Variants in CTNNA3 observed in about 807,000 individuals in gnomAD.
The protein encoded by CTNNA3 is catenin alpha 3.
A neutral mutation model predicts 95.7 loss-of-function variants in CTNNA3; 76 were observed. The ratio of observed to expected loss-of-function variants is 0.79; its 90% CI spans 0.66 to 0.96. The LOEUF (loss-of-function observed/expected upper bound fraction) is 0.96. Among genes scored for constraint, CTNNA3 ranks in the 40% least tolerant of loss-of-function variants. CTNNA3 has a pLI of 0.00. For missense variants in CTNNA3, 1,191 were observed against 1,089.8 expected, an observed-to-expected ratio of 1.09 and a Z score of -1.31; for synonymous variants, 431 against 374.4, an observed-to-expected ratio of 1.15 and a Z score of -1.74.
At chr10:66,022,033 A>G (rs2079229799) in intron 15 of CTNNA3, among the ~76,000 whole-genome samples, 1 of 151,188 alleles carries the variant, frequency 6.6e-6, no homozygotes, top group Non-Finnish European at 1.5e-5. Context: ...TTTTATTTTT[A>G]TTTGTGTAGA....
chr10:67,584,801 G>A (rs186021113), intron 3 of CTNNA3, among the ~76,000 whole-genome samples: 15 of 152,180 alleles, frequency 9.9e-5, no homozygotes, highest in Non-Finnish European at 1.9e-4. Flanking sequence ...CTGTCACCTT[G>A]CAGTTCCATC....
intron 7 of CTNNA3, among the ~76,000 whole-genome samples, chr10:67,117,942 C>A (rs368522963): frequency 6.6e-6 from 1 of 151,954 alleles, no homozygotes; most frequent in South Asian, 2.1e-4. Flanking sequence ...GGGTAAATGA[C>A]TGCTTTTCAT....
At chr10:67,044,603 G>A (rs982855120) in intron 7 of CTNNA3, among the ~76,000 whole-genome samples, 9 of 152,142 alleles carry the variant, frequency 5.9e-5, no homozygotes, top group Non-Finnish European at 1.2e-4. Flanking sequence ...GACAGGATTT[G>A]TCTTATTCTG....
At chr10:67,340,478 C>A (rs966534113) in intron 5 of CTNNA3, among the ~76,000 whole-genome samples, 1 of 152,170 alleles carries the variant, frequency 6.6e-6, no homozygotes, top group Admixed American at 6.5e-5. Flanking sequence ...ACTCAGCATG[C>A]TAATATATCA....
intron 5 of CTNNA3, among the ~76,000 whole-genome samples, chr10:67,513,009 A>T (rs955291434): frequency 3.9e-5 from 6 of 152,170 alleles, no homozygotes; most frequent in Non-Finnish European, 7.3e-5. Flanking sequence ...ATATTTAAAA[A>T]TTTAACATTT....
At chr10:66,399,094 C>T (rs1489876487) in intron 11 of CTNNA3, among the ~76,000 whole-genome samples, 1 of 151,958 alleles carries the variant, frequency 6.6e-6, no homozygotes, top group Admixed American at 6.6e-5. Flanking sequence ...TAGAGGTCTA[C>T]CCTGTTGCTT....
chr10:66,358,319 G>T (rs1364483418), intron 12 of CTNNA3, among the ~76,000 whole-genome samples: 1 of 151,904 alleles, frequency 6.6e-6, no homozygotes, highest in Admixed American at 6.6e-5. Context: ...CCCAGATTCA[G>T]CTTGCAGAAG....
chr10:67,735,208 T>C (rs964445903), intron 1 of CTNNA3, among the ~76,000 whole-genome samples: 3 of 151,800 alleles, frequency 2.0e-5, no homozygotes, highest in Admixed American at 6.6e-5. Flanking sequence ...GTAAGTGTTC[T>C]ATAGAGCATC....
intron 7 of CTNNA3, among the ~76,000 whole-genome samples, chr10:67,145,048 A>G (rs1474524502): frequency 5.9e-5 from 9 of 152,138 alleles, no homozygotes; most frequent in African/African-American, 2.2e-4. Flanking sequence ...ACAGGGAATA[A>G]GCAGGCCCAA....
chr10:67,433,932 C>T (rs1177185073), intron 5 of CTNNA3, among the ~76,000 whole-genome samples: 1 of 152,028 alleles, frequency 6.6e-6, no homozygotes, highest in East Asian at 1.9e-4. Flanking sequence ...GCAGTCAGAA[C>T]TGCCTGGATT....
In CTNNA3 at chr10:67,387,061, C is replaced by T. The variant is rs147358447; in HGVS notation, c.579+134781G>A. Among the ~76,000 whole-genome samples the T allele has an allele frequency of 2.7e-4, 41 of 152,260 alleles. No individual in the cohort carries two copies. In the East Asian group the frequency reaches 6.8e-3, roughly 25 times the overall value. ...CCGTTAGTTGAGGGAGGACCCAAGA[C>T]GGCCGAATAGGAACGGCTCTGGTCT... On this transcript the variant is annotated intron_variant, in intron 5 of 17. Coordinates refer to ENST00000433211, the MANE Select transcript of CTNNA3 (RefSeq NM_013266.4).
At chr10:66,910,606 A>C (rs1846181352) in intron 7 of CTNNA3, among the ~76,000 whole-genome samples, 1 of 152,266 alleles carries the variant, frequency 6.6e-6, no homozygotes, top group Non-Finnish European at 1.5e-5. Context: ...ACAAGGTAGC[A>C]TGTAGGCATT....
At chr10:67,132,707 C>T (rs192525099) in intron 7 of CTNNA3, among the ~76,000 whole-genome samples, 51 of 151,872 alleles carry the variant, frequency 3.4e-4, no homozygotes, top group Admixed American at 1.8e-3. Flanking sequence ...AAAAAAATGT[C>T]GTATATATAC....
intron 17 of CTNNA3, among the ~76,000 whole-genome samples, chr10:65,933,786 T>G (rs2077291721): frequency 6.6e-6 from 1 of 152,162 alleles, no homozygotes; most frequent in South Asian, 2.1e-4. Flanking sequence ...ATTTGCCCAT[T>G]TTTCCTTGAT....
chr10:67,455,500 G>C (rs1056126087), intron 5 of CTNNA3, among the ~76,000 whole-genome samples: 10 of 152,044 alleles, frequency 6.6e-5, no homozygotes, highest in Non-Finnish European at 1.5e-5. Flanking sequence ...GAAGGGACAG[G>C]GTGAGGAAGT....
chr10:66,655,972 ACAG>A (rs1257771966), intron 9 of CTNNA3, among the ~76,000 whole-genome samples: 3 of 152,110 alleles, frequency 2.0e-5, no homozygotes, highest in Non-Finnish European at 2.9e-5. Flanking sequence ...CATAGGAATA[ACAG>A]AAGAAGTAGT....
intron 3 of CTNNA3, among the ~76,000 whole-genome samples, chr10:67,592,531 A>C (rs998762925): frequency 3.3e-5 from 5 of 152,172 alleles, no homozygotes; most frequent in Non-Finnish European, 7.4e-5. Flanking sequence ...AACAAGTCAG[A>C]GAAAAAAGGC....
intron 7 of CTNNA3, among the ~76,000 whole-genome samples, chr10:66,811,976 C>T (rs1244559116): frequency 6.6e-5 from 10 of 152,156 alleles, no homozygotes; most frequent in Non-Finnish European, 7.4e-5. Context: ...ATACTATTCA[C>T]ATTTGAGCTC....
intron 9 of CTNNA3, among the ~76,000 whole-genome samples, chr10:66,644,715 CTTAT>C (rs140736754): frequency 0.66 from 99,866 of 151,060 alleles, 33,856 homozygotes; most frequent in East Asian, 0.95. Flanking sequence ...ACTCACTGAT[CTTAT>C]TTTTCTCCAG....
Sources: allele counts gnomAD v4.1 joint callset (sites outside exome capture counted in the v4.1 genomes callset), GRCh38; gene constraint gnomAD v4.1.1; transcripts MANE v1.5; gene names NCBI Gene and HGNC (gene_info 2026-07-23, HGNC 2026-07-21).